TLCD4: variants seen among roughly 807,000 people sequenced by gnomAD.
TLCD4 encodes TLC domain-containing protein 4.
Under a neutral mutation model 24.2 loss-of-function variants are expected in TLCD4, and 7 were observed. The ratio of observed to expected loss-of-function variants is 0.29; its 90% confidence interval spans 0.16 to 0.54. The LOEUF (loss-of-function observed/expected upper bound fraction) is 0.54, where lower values mean the gene tolerates loss of function less well. Among genes scored for constraint, TLCD4 ranks in the 20% least tolerant of loss-of-function variants. TLCD4 has a pLI of 0.95. For missense variants in TLCD4, 259 were observed against 313.9 expected (o/e 0.82, Z 1.32); for synonymous variants, 103 against 106.4 (o/e 0.97, Z 0.20).
chr1:95,162,172 A>T (rs1471764393), intron 5 of TLCD4, among the ~76,000 whole-genome samples: 1 of 152,048 alleles, frequency 6.6e-6, no homozygotes, highest in Non-Finnish European at 1.5e-5. Flanking sequence ...TTGCTTTATG[A>T]ATCTGGGTGC....
At chr1:95,138,003 G>A (rs1677095875) in intron 1 of TLCD4, among the ~76,000 whole-genome samples, 1 of 152,072 alleles carries the variant, frequency 6.6e-6, no homozygotes, top group Admixed American at 6.6e-5. Context: ...CTCCTAAAGT[G>A]CTGGAATTAC....
chr1:95,123,421 C>T (rs750262123), intron 1 of TLCD4, among the ~76,000 whole-genome samples: 18 of 152,156 alleles, frequency 1.2e-4, no homozygotes, highest in Non-Finnish European at 2.4e-4. Context: ...AGAACCAAAC[C>T]TTTAAGACAT....
intron 6 of TLCD4, among the ~76,000 whole-genome samples, chr1:95,182,269 T>C (rs1678671939): frequency 6.6e-6 from 1 of 152,124 alleles, no homozygotes; most frequent in South Asian, 2.1e-4. Flanking sequence ...TTATTGTTTT[T>C]TGTTTTTTTT....
the TLCD4 span, among the ~76,000 whole-genome samples, chr1:95,104,592 G>C: frequency 6.8e-6 from 1 of 146,912 alleles, no homozygotes; most frequent in South Asian, 2.2e-4. Flanking sequence ...ATGAACTCCG[G>C]GGGGCGGAGC....
intron 5 of TLCD4, among the ~76,000 whole-genome samples, chr1:95,158,087 T>C (rs534234197): frequency 6.6e-6 from 1 of 152,258 alleles, no homozygotes; most frequent in South Asian, 2.1e-4. Flanking sequence ...CCCTTCTTCC[T>C]CCCAATGTAG....
At chr1:95,130,066 C>G (rs1267637059) in intron 1 of TLCD4, among the ~76,000 whole-genome samples, 1 of 152,112 alleles carries the variant, frequency 6.6e-6, no homozygotes, top group Admixed American at 6.6e-5. Context: ...TAGCTGAGAG[C>G]TTTATATACA....
At chr1:95,122,594 C>T (rs1435410074) in intron 1 of TLCD4, among the ~76,000 whole-genome samples, 1 of 152,144 alleles carries the variant, frequency 6.6e-6, no homozygotes, top group Non-Finnish European at 1.5e-5. Context: ...TCTCTGTTAT[C>T]TCTGACAACT....
the TLCD4 span, among the ~76,000 whole-genome samples, chr1:95,099,070 A>AAAAAAG: frequency 6.6e-6 from 1 of 151,102 alleles, no homozygotes; most frequent in African/African-American, 2.4e-5. Context: ...AAAAAAAAAA[A>AAAAAAG]AAAAAGAACA....
At chr1:95,097,638 A>G in the TLCD4 span, among the ~76,000 whole-genome samples, 1 of 152,236 alleles carries the variant, frequency 6.6e-6, no homozygotes, top group African/African-American at 2.4e-5. Flanking sequence ...GAGGTTGTAA[A>G]TGAGAGAGGA....
At chr1:95,177,522 G>C (rs1010988726) in intron 6 of TLCD4, among the ~76,000 whole-genome samples, 20 of 152,230 alleles carry the variant, frequency 1.3e-4, no homozygotes, top group African/African-American at 4.8e-4. Flanking sequence ...AGTTCTGTGT[G>C]CCTAGGGTAT....
At chr1:95,133,837 C>T (rs1676970502) in intron 1 of TLCD4, among the ~76,000 whole-genome samples, 1 of 151,972 alleles carries the variant, frequency 6.6e-6, no homozygotes, top group East Asian at 1.9e-4. Flanking sequence ...TTGTTCTGGA[C>T]TCATTGCTGA....
At chr1:95,190,056 A>C (rs1678969987) in intron 6 of TLCD4, among the ~76,000 whole-genome samples, 1 of 150,248 alleles carries the variant, frequency 6.7e-6, no homozygotes, top group Admixed American at 6.6e-5. Context: ...AGCTATTTTA[A>C]TAGGTGTGCA....
rs1679216449 is a variant in TLCD4, at chr1:95,196,679, A to G, written c.*4811A>G. On this transcript the variant is annotated 3_prime_UTR_variant, in exon 7 of 7. Coordinates refer to ENST00000370203, the MANE Select transcript of TLCD4 (RefSeq NM_152487.3). ...AAAACCAGAAATATTTCTAAATCTC[A>G]AAGATTTATAAGTACAGTACCTCTG... The G allele has an allele frequency of 6.6e-6, 1 of 152,228 alleles. No homozygotes were observed. The highest frequency in any genetic ancestry group is 1.5e-5 in the Non-Finnish European group (1 of 68,036). 9.4% of individuals were successfully genotyped at this position (152,228 alleles called of 1,614,324 possible). A position where few individuals can be genotyped will look rare whatever the true frequency, so the allele number is the denominator to read the frequency against.
At chr1:95,114,423 C>G (rs1676390846), upstream of TLCD4, among the ~76,000 whole-genome samples, 1 of 152,050 alleles carries the variant, frequency 6.6e-6, no homozygotes, top group South Asian at 2.1e-4. Context: ...AATATTTTTG[C>G]TTTAATTATA....
chr1:95,153,302 T>G (rs1249450966), intron 5 of TLCD4, among the ~76,000 whole-genome samples: 1 of 152,148 alleles, frequency 6.6e-6, no homozygotes, highest in Non-Finnish European at 1.5e-5. Context: ...GTAAATTTTA[T>G]GTCATATATA....
upstream of TLCD4, among the ~76,000 whole-genome samples, chr1:95,116,641 G>C (rs1004848636): frequency 6.6e-6 from 1 of 152,154 alleles, no homozygotes; most frequent in Admixed American, 6.5e-5. Flanking sequence ...ATCACTTGGA[G>C]GCTTTTGGGG....
rs188654252 is a variant in TLCD4, at chr1:95,191,312, C to G, written c.474-238C>G. Among the ~76,000 whole-genome samples the G allele has an allele frequency of 5.3e-5, 8 of 152,154 alleles. No homozygotes were observed. In the East Asian group the frequency reaches 1.4e-3, roughly 26 times the overall value. ...CTATTTCTGAGCTCTCTTTTCTCTT[C>G]CATTGGTTTATTGATCTTTCACTAA... is the stretch of plus-strand genomic sequence containing the variant. On this transcript the variant is annotated intron_variant, in intron 6 of 6. Transcript: ENST00000370203.
the TLCD4 span, among the ~76,000 whole-genome samples, chr1:95,099,348 T>G: frequency 6.6e-6 from 1 of 152,210 alleles, no homozygotes; most frequent in Non-Finnish European, 1.5e-5. Context: ...TACCACATTG[T>G]GCTTCCTTAG....
chr1:95,100,910 CT>C, the TLCD4 span, among the ~76,000 whole-genome samples: 70,605 of 142,096 alleles, frequency 0.5, 18,030 homozygotes, highest in Middle Eastern at 0.6. Flanking sequence ...AGGTCTCCAA[CT>C]TTTTTTTTTT....
Sources: allele counts gnomAD v4.1 joint callset (sites outside exome capture counted in the v4.1 genomes callset), GRCh38; gene constraint gnomAD v4.1.1; transcripts MANE v1.5; gene names NCBI Gene and HGNC (gene_info 2026-07-23, HGNC 2026-07-21).